The following DOK5 variants were observed in gnomAD, a reference collection of about 807,000 sequenced individuals.
DOK5 encodes downstream of tyrosine kinase 5.
DOK5 carries 27 observed loss-of-function variants against 43.3 expected under a neutral mutation model. The ratio of observed to expected loss-of-function variants is 0.62; its 90% CI spans 0.46 to 0.86. The LOEUF (loss-of-function observed/expected upper bound fraction) is 0.86. DOK5 is among the 40% of genes least tolerant of loss of function. The pLI is 0.00. For synonymous variants in DOK5, 146 were observed against 140.1 expected, an observed-to-expected ratio of 1.04 and a Z score of -0.30; for missense variants, 373 against 392.9, an observed-to-expected ratio of 0.95 and a Z score of 0.43.
intron 6 of DOK5, among the ~76,000 whole-genome samples, chr20:54,623,011 G>T (rs925729122): frequency 6.6e-5 from 10 of 152,118 alleles, no homozygotes; most frequent in Non-Finnish European, 1.5e-4. Flanking sequence ...TGCACACACT[G>T]TACTCCTGTG....
At chr20:54,535,862 T>A (rs1983944533) in intron 1 of DOK5, among the ~76,000 whole-genome samples, 2 of 152,184 alleles carry the variant, frequency 1.3e-5, no homozygotes, top group South Asian at 4.1e-4. Flanking sequence ...TTAAAAAAAA[T>A]AATAAACCTC....
At chr20:54,638,913 C>T (rs1978978429) in intron 6 of DOK5, among the ~76,000 whole-genome samples, 1 of 152,020 alleles carries the variant, frequency 6.6e-6, no homozygotes, top group Non-Finnish European at 1.5e-5. Flanking sequence ...GAACTCCTGA[C>T]CTCATGATCC....
At chr20:54,495,235 A>G (rs1409391467) in intron 1 of DOK5, 2 of 152,238 alleles carry the variant, frequency 1.3e-5, no homozygotes, top group African/African-American at 4.8e-5. Context: ...AGCTCCAAAC[A>G]GTAGGCAAGA....
intron 1 of DOK5, among the ~76,000 whole-genome samples, chr20:54,498,830 C>G (rs1176326066): frequency 6.6e-6 from 1 of 152,094 alleles, no homozygotes; most frequent in Non-Finnish European, 1.5e-5. Context: ...CTTTTTTTCT[C>G]CCCTGTGGAA....
chr20:54,583,335 T>C (rs1037487778), intron 2 of DOK5, among the ~76,000 whole-genome samples: 1 of 152,196 alleles, frequency 6.6e-6, no homozygotes, highest in East Asian at 1.9e-4. Context: ...ATCTATCCTA[T>C]GTGCACTTAA....
At chr20:54,618,241 T>A in intron 6 of DOK5, among the ~76,000 whole-genome samples, 1 of 152,212 alleles carries the variant, frequency 6.6e-6, no homozygotes, top group Non-Finnish European at 1.5e-5. Context: ...GGTGGTTTTA[T>A]CTGGTTCCAA....
intron 1 of DOK5, among the ~76,000 whole-genome samples, chr20:54,515,861 G>T (rs566911295): frequency 6.6e-6 from 1 of 152,130 alleles, no homozygotes; most frequent in African/African-American, 2.4e-5. Context: ...GCCATCAGCC[G>T]GTTTTGCCAG....
intron 2 of DOK5, among the ~76,000 whole-genome samples, chr20:54,557,090 A>G (rs1045503772): frequency 3.9e-5 from 6 of 152,132 alleles, no homozygotes; most frequent in Admixed American, 6.5e-5. Context: ...TACTGCTACT[A>G]CTGGGGTCCT....
chr20:54,479,073 TTATA>T (rs1981556577), intron 1 of DOK5, among the ~76,000 whole-genome samples: 1 of 152,040 alleles, frequency 6.6e-6, no homozygotes, highest in South Asian at 2.1e-4. Context: ...ATACGTATAT[TTATA>T]TATGTGATTT....
intron 2 of DOK5, 132 bp downstream of exon 2, chr20:54,555,172 A>G: frequency 3.2e-6 from 2 of 629,030 alleles, no homozygotes; most frequent in Non-Finnish European, 5.7e-6. Flanking sequence ...AACACCCCTA[A>G]AATAACATCT....
chr20:54,517,847 A>G (rs879889559), intron 1 of DOK5, among the ~76,000 whole-genome samples: 1 of 152,230 alleles, frequency 6.6e-6, no homozygotes, highest in Non-Finnish European at 1.5e-5. Context: ...CAGCTAAAAG[A>G]TTGCTGTCTA....
intron 1 of DOK5, among the ~76,000 whole-genome samples, chr20:54,497,278 C>G (rs958897274): frequency 6.6e-6 from 1 of 152,192 alleles, no homozygotes; most frequent in Admixed American, 6.5e-5. Context: ...ATGAATATTA[C>G]AAACCCGAAT....
chr20:54,525,734 A>G (rs1239082229), intron 1 of DOK5, among the ~76,000 whole-genome samples: 1 of 152,206 alleles, frequency 6.6e-6, no homozygotes. Flanking sequence ...TTTGAAAGTA[A>G]ACCATGTTTT....
At chr20:54,610,938 A>T (rs939636370) in intron 6 of DOK5, among the ~76,000 whole-genome samples, 1 of 152,226 alleles carries the variant, frequency 6.6e-6, no homozygotes, top group African/African-American at 2.4e-5. Flanking sequence ...CCAAGACCAG[A>T]CAACTGTTGA....
chr20:54,560,169 TAC>T lies in DOK5; in HGVS notation c.174+5133_174+5134del, dbSNP rs142651078. Among the ~76,000 whole-genome samples the T allele has an allele frequency of 8.7e-3, 1,331 of 152,360 alleles. 15 individuals are homozygous for T. Among genetic ancestry groups the T allele is most frequent in the African/African-American group, 0.03 (1,263 of 41,578 alleles). ...CTGTACTAATGATTCATTCTTTTTT[TAC>T]ACAGTTTCTTCCTCATCTAAAACAT... On this transcript the variant is annotated intron_variant, in intron 2 of 7. Transcript: ENST00000262593.
At chr20:54,559,590 C>G (rs1421434210) in intron 2 of DOK5, among the ~76,000 whole-genome samples, 1 of 152,214 alleles carries the variant, frequency 6.6e-6, no homozygotes, top group Admixed American at 6.5e-5. Flanking sequence ...TTTATGGCCC[C>G]ATCTTTGAGA....
intron 2 of DOK5, 33 bp from the exon 3 acceptor site, chr20:54,588,450 G>T (rs1404855002): frequency 6.4e-7 from 1 of 1,570,904 alleles, no homozygotes; most frequent in Admixed American, 1.7e-5. Context: ...TTCATTCAGG[G>T]AGTGTGTCAA....
In DOK5 at chr20:54,555,018, C is replaced by T. The variant is rs1171682196; in HGVS notation, c.152C>T (p.Ala51Val). 3 of 1,612,956 alleles carry T rather than the reference C, an allele frequency of 1.9e-6. No individual in the cohort carries two copies. The highest frequency in any genetic ancestry group is 2.5e-6 in the Non-Finnish European group (3 of 1,179,138). Residue 51 changes from alanine to valine, a missense_variant, in exon 2 of 8, where the codon GCA (alanine) becomes GTA (valine). Coordinates refer to ENST00000262593, the MANE Select transcript of DOK5 (RefSeq NM_018431.5). ...GAGAAATTTTCTGATGAACGTGCTG[C>T]ATATTTCAGGTGTTATCATAAGGTA... ...RLEKFSDERA[A>V]YFRCYHKVTE... is the part of the protein sequence containing the mutation.
chr20:54,521,491 A>G (rs1983394559), intron 1 of DOK5, among the ~76,000 whole-genome samples: 1 of 152,142 alleles, frequency 6.6e-6, no homozygotes, highest in South Asian at 2.1e-4. Flanking sequence ...ACTTATATTT[A>G]CTGGATTATT....
Sources: allele counts gnomAD v4.1 joint callset (sites outside exome capture counted in the v4.1 genomes callset), GRCh38; gene constraint gnomAD v4.1.1; transcripts MANE v1.5; gene names NCBI Gene and HGNC (gene_info 2026-07-23, HGNC 2026-07-21).